The following ANKS1B variants were observed in gnomAD, a reference collection of about 807,000 sequenced individuals.
The protein encoded by ANKS1B is ankyrin repeat and sterile alpha motif domain containing 1B.
In ANKS1B, 36 loss-of-function variants were observed where a neutral mutation model predicts 148.3. The observed-to-expected ratio is 0.24, with a 90% confidence interval of 0.19 to 0.32. ANKS1B has a LOEUF of 0.32. Among genes scored for constraint, ANKS1B ranks in the 10% least tolerant of loss-of-function variants. The pLI is 1.00. For missense variants in ANKS1B, 1,157 were observed against 1,542.6 expected, an observed-to-expected ratio of 0.75 and a Z score of 4.19; for synonymous variants, 542 against 560.8, an observed-to-expected ratio of 0.97 and a Z score of 0.47.
At chr12:99,744,876 C>T (rs1440040424) in intron 8 of ANKS1B, among the ~76,000 whole-genome samples, 3 of 151,394 alleles carry the variant, frequency 2.0e-5, no homozygotes, top group Admixed American at 2.0e-4. Context: ...CCTGTAATCC[C>T]AGCTACTCAG....
intron 10 of ANKS1B, among the ~76,000 whole-genome samples, chr12:99,466,400 C>T (rs1362267669): frequency 6.6e-6 from 1 of 151,792 alleles, no homozygotes; most frequent in Non-Finnish European, 1.5e-5. Flanking sequence ...AGAGCAAACA[C>T]ATTCAAAAGC....
intron 9 of ANKS1B, among the ~76,000 whole-genome samples, chr12:99,622,586 C>T (rs2098067264): frequency 6.6e-6 from 1 of 151,860 alleles, no homozygotes; most frequent in African/African-American, 2.4e-5. Flanking sequence ...AAAAGATCCT[C>T]AGAGACTGTT....
intron 8 of ANKS1B, among the ~76,000 whole-genome samples, chr12:99,687,691 A>G (rs1203660502): frequency 6.6e-6 from 1 of 151,564 alleles, no homozygotes; most frequent in Non-Finnish European, 1.5e-5. Context: ...TTTTTCTTAC[A>G]CTTCTCTCCT....
intron 9 of ANKS1B, among the ~76,000 whole-genome samples, chr12:99,605,650 G>A (rs1383790677): frequency 1.3e-5 from 2 of 152,078 alleles, no homozygotes; most frequent in Non-Finnish European, 2.9e-5. Flanking sequence ...CATGTTGCTA[G>A]AAATGACAGG....
chr12:99,519,861 G>A (rs532635694), intron 9 of ANKS1B, among the ~76,000 whole-genome samples: 2 of 152,042 alleles, frequency 1.3e-5, no homozygotes, highest in Non-Finnish European at 2.9e-5. Flanking sequence ...CATGAGCCTT[G>A]CAAATACCAT....
chr12:99,799,811 C>T (rs746083488), intron 4 of ANKS1B, among the ~76,000 whole-genome samples: 14 of 152,068 alleles, frequency 9.2e-5, no homozygotes, highest in Non-Finnish European at 1.5e-4. Flanking sequence ...ACAACAAGGT[C>T]ACTGTGGATG....
At chr12:99,312,619 T>C (rs920164231) in intron 12 of ANKS1B, among the ~76,000 whole-genome samples, 4 of 152,038 alleles carry the variant, frequency 2.6e-5, no homozygotes, top group African/African-American at 7.2e-5. Context: ...AGCAACATCA[T>C]AAAATAGATG....
At chr12:99,473,289 C>T (rs1430342442) in intron 10 of ANKS1B, among the ~76,000 whole-genome samples, 2 of 151,628 alleles carry the variant, frequency 1.3e-5, no homozygotes, top group Non-Finnish European at 1.5e-5. Flanking sequence ...GTTTATAATC[C>T]TACTGTTTTA....
chr12:99,484,019 T>A (rs1243109086), intron 10 of ANKS1B, among the ~76,000 whole-genome samples: 2 of 152,048 alleles, frequency 1.3e-5, no homozygotes, highest in Non-Finnish European at 2.9e-5. Context: ...ATCTTTGTTA[T>A]CTTTTTTCTT....
chr12:99,031,169 G>A (rs576763032), intron 17 of ANKS1B, among the ~76,000 whole-genome samples: 1 of 152,280 alleles, frequency 6.6e-6, no homozygotes, highest in South Asian at 2.1e-4. Flanking sequence ...ACTTGATGGG[G>A]TTATAAGGAA....
intron 17 of ANKS1B, among the ~76,000 whole-genome samples, chr12:99,027,571 A>G (rs2099949492): frequency 6.6e-6 from 1 of 152,230 alleles, no homozygotes; most frequent in Non-Finnish European, 1.5e-5. Context: ...GCTTTCTTTA[A>G]TAGAGTGAAA....
chr12:99,649,555 G>T, intron 9 of ANKS1B: 1 of 599,394 alleles, frequency 1.7e-6, no homozygotes, highest in East Asian at 2.8e-5. Flanking sequence ...AACCAAGTCT[G>T]CAGACTCAGG....
chr12:98,786,984 T>C (rs2098801315), intron 22 of ANKS1B, among the ~76,000 whole-genome samples: 1 of 152,232 alleles, frequency 6.6e-6, no homozygotes. Flanking sequence ...TAGTTAGATA[T>C]TCAGTCCTGA....
At chr12:99,962,525 A>G (rs11110157) in intron 1 of ANKS1B, among the ~76,000 whole-genome samples, 95,386 of 152,030 alleles carry the variant, frequency 0.63, 31,491 homozygotes, top group African/African-American at 0.77. Flanking sequence ...GTGTGCATGT[A>G]CCTTTATAGA....
chr12:99,965,362 A>G (rs1473945592), intron 1 of ANKS1B, among the ~76,000 whole-genome samples: 1 of 152,224 alleles, frequency 6.6e-6, no homozygotes, highest in Non-Finnish European at 1.5e-5. Context: ...CTAGGCAATA[A>G]AACAGCAAAC....
intron 25 of ANKS1B, among the ~76,000 whole-genome samples, chr12:98,752,912 C>T (rs976471216): frequency 6.6e-6 from 1 of 152,182 alleles, no homozygotes; most frequent in African/African-American, 2.4e-5. Context: ...ATCTACGAAA[C>T]ACAATCAAAA....
intron 14 of ANKS1B, among the ~76,000 whole-genome samples, chr12:99,164,215 C>G (rs1426659149): frequency 6.6e-6 from 1 of 151,930 alleles, no homozygotes; most frequent in Non-Finnish European, 1.5e-5. Flanking sequence ...TTTTTGGTGT[C>G]TATCCCATTA....
chr12:99,330,980 T>C (rs374246011), intron 12 of ANKS1B, among the ~76,000 whole-genome samples: 4 of 152,104 alleles, frequency 2.6e-5, no homozygotes, highest in South Asian at 4.1e-4. Flanking sequence ...AAATACATCA[T>C]TTTTATACAT....
intron 12 of ANKS1B, among the ~76,000 whole-genome samples, chr12:99,247,195 G>T (rs1236946438): frequency 6.6e-6 from 1 of 152,056 alleles, no homozygotes; most frequent in Non-Finnish European, 1.5e-5. Flanking sequence ...ACAAAATTGG[G>T]TTTTCTTAAA....
Sources: allele counts gnomAD v4.1 joint callset (sites outside exome capture counted in the v4.1 genomes callset), GRCh38; gene constraint gnomAD v4.1.1; transcripts MANE v1.5; gene names NCBI Gene and HGNC (gene_info 2026-07-23, HGNC 2026-07-21).